The following SUSD4 variants were observed in gnomAD, a reference collection of about 807,000 sequenced individuals.
The protein encoded by SUSD4 is sushi domain-containing protein 4.
A neutral mutation model predicts 50.5 loss-of-function variants in SUSD4; 41 were observed. The ratio of observed to expected loss-of-function variants is 0.81; its 90% confidence interval spans 0.63 to 1.05. The LOEUF (loss-of-function observed/expected upper bound fraction) is 1.05, where lower values mean the gene tolerates loss of function less well. Ranked by LOEUF, SUSD4 falls within the 50% of genes least tolerant of loss-of-function variation. The pLI is 0.00. For missense variants in SUSD4, 580 were observed against 634.7 expected (o/e 0.91, Z 0.93); for synonymous variants, 257 against 257.3 (o/e 1.00, Z 0.01).
chr1:223,334,076 G>A (rs1293729389), intron 2 of SUSD4, among the ~76,000 whole-genome samples: 2 of 152,078 alleles, frequency 1.3e-5, no homozygotes, highest in East Asian at 3.9e-4. Flanking sequence ...AATGGTCAAG[G>A]AAGCCCCCAA....
At chr1:223,351,828 T>C (rs1668384732) in intron 2 of SUSD4, among the ~76,000 whole-genome samples, 1 of 152,226 alleles carries the variant, frequency 6.6e-6, no homozygotes, top group East Asian at 1.9e-4. Flanking sequence ...ACTGAAAGAA[T>C]AGTTTCAATG....
intron 3 of SUSD4, among the ~76,000 whole-genome samples, chr1:223,284,685 G>A (rs1664014874): frequency 6.6e-6 from 1 of 152,146 alleles, no homozygotes; most frequent in African/African-American, 2.4e-5. Context: ...CATAAAAAAG[G>A]ATAAAATTTT....
rs1230466915 is a variant in SUSD4 at position 223,264,471 on chromosome 1, C to G, written c.724+159G>C. On this transcript the variant is annotated intron_variant, in intron 5 of 8. Transcript: ENST00000366878. ...GTTTTACATCTAATTGTAAATATGG[C>G]TTCACGGCAGCTGATCTCTGCTCTG... 2.9e-5 allele frequency: 39 copies of G among 1,367,432 alleles called. No individual in the cohort carries two copies. The East Asian group carries it at 1.0e-3, about 36-fold the overall frequency. 84.7% of individuals were successfully genotyped at this position (1,367,432 alleles called of 1,614,324 possible). A position where few individuals can be genotyped will look rare whatever the true frequency, so the allele number is the denominator to read the frequency against.
rs74745529 is a variant in SUSD4 at position 223,298,026 on chromosome 1, A to G, written c.149-5375T>C. On this transcript the variant is annotated intron_variant, in intron 2 of 8. Transcript: ENST00000366878. ...AATGGGTAGATGAATAGATGGATAAATGGATGGATGGATGAATGGGTGGAT... is the reference window on the plus strand; with the variant it reads ...AATGGGTAGATGAATAGATGGATAAGTGGATGGATGGATGAATGGGTGGAT... 5.4e-3 allele frequency among the ~76,000 whole-genome samples: 816 copies of G among 152,170 alleles called. 43 individuals are homozygous for G. In the East Asian group the frequency reaches 0.12, roughly 22 times the overall value.
At chr1:223,228,787 T>C (rs1392704772) in intron 6 of SUSD4, among the ~76,000 whole-genome samples, 1 of 151,780 alleles carries the variant, frequency 6.6e-6, no homozygotes, top group East Asian at 2.0e-4. Flanking sequence ...CACAGGCCTG[T>C]GTCCTTACCA....
At chr1:223,351,971 G>A (rs536137476) in intron 2 of SUSD4, among the ~76,000 whole-genome samples, 4 of 151,398 alleles carry the variant, frequency 2.6e-5, no homozygotes, top group Admixed American at 6.6e-5. Flanking sequence ...ATAGGAAAAC[G>A]CCAAGTATTA....
At chr1:223,237,492 G>T (rs1343945188) in intron 5 of SUSD4, among the ~76,000 whole-genome samples, 3 of 151,882 alleles carry the variant, frequency 2.0e-5, no homozygotes, top group Non-Finnish European at 1.5e-5. Flanking sequence ...CTTTTTTGTA[G>T]ATATTCTTTA....
At chr1:223,351,669 G>A (rs116444846) in intron 2 of SUSD4, among the ~76,000 whole-genome samples, 41 of 152,270 alleles carry the variant, frequency 2.7e-4, no homozygotes, top group African/African-American at 9.6e-4. Context: ...TAGAGTCAAT[G>A]AATGGGGTCA....
intron 6 of SUSD4, among the ~76,000 whole-genome samples, chr1:223,228,382 C>T (rs1038718145): frequency 6.6e-6 from 1 of 152,208 alleles, no homozygotes; most frequent in Non-Finnish European, 1.5e-5. Context: ...CTCACAGGAT[C>T]ATGTGTGCGC....
chr1:223,227,814 T>C lies in SUSD4; in HGVS notation c.917-76A>G, dbSNP rs902821910. On this transcript the variant is annotated intron_variant, in intron 6 of 8. Transcript: ENST00000366878. This position sits in a 1 kb window ranked among gnomAD's most constrained non-coding sequence, Gnocchi z 4.5. Reference sequence around the variant, plus strand: ...TGCCGAGGTTCCCCGTGGGCTCATTTGCTGGATTCATCTGGCACAAGAGAT... The same window carrying C: ...TGCCGAGGTTCCCCGTGGGCTCATTCGCTGGATTCATCTGGCACAAGAGAT... 8 of 1,509,368 alleles carry C rather than the reference T, an allele frequency of 5.3e-6. No homozygotes were observed. Among genetic ancestry groups the C allele is most frequent in the Non-Finnish European group, 7.2e-6 (8 of 1,118,724 alleles). The allele number at this position is 1,509,368 out of a possible 1,614,324, so 93.5% of individuals were successfully genotyped here. A position where few individuals can be genotyped will look rare whatever the true frequency, so the allele number is the denominator to read the frequency against.
Position 223,223,632 on chromosome 1 carries a change from C to T in SUSD4, c.1062-1G>A. On this transcript the variant is annotated splice_acceptor_variant, in intron 7 of 8. Transcript: ENST00000366878. LOFTEE classifies it high-confidence loss of function. ...ACTGCTGGAACTCCGGGGAGGCCCC[C>T]TGTGTAAAGGAAAGAAGTGCCAACA... The T allele has an allele frequency of 6.3e-7, 1 of 1,599,068 alleles. No homozygotes were observed. Among genetic ancestry groups the T allele is most frequent in the Non-Finnish European group, 8.5e-7 (1 of 1,171,506 alleles).
intron 2 of SUSD4, among the ~76,000 whole-genome samples, chr1:223,302,285 T>G (rs1665246120): frequency 6.6e-6 from 1 of 152,196 alleles, no homozygotes; most frequent in Non-Finnish European, 1.5e-5. Flanking sequence ...AATTACCCAG[T>G]CTTAAGTATG....
chr1:223,355,055 G>C (rs1350242747), intron 2 of SUSD4, among the ~76,000 whole-genome samples: 3 of 151,578 alleles, frequency 2.0e-5, no homozygotes, highest in Non-Finnish European at 4.4e-5. Context: ...TGCGACTACA[G>C]ACACGTGCCA....
chr1:223,325,760 T>G (rs1307556261), intron 2 of SUSD4, among the ~76,000 whole-genome samples: 1 of 151,988 alleles, frequency 6.6e-6, no homozygotes, highest in East Asian at 1.9e-4. Flanking sequence ...AAGAACTCAA[T>G]TTTTTTTACA....
chr1:223,362,279 C>A (rs1179445283), intron 2 of SUSD4, among the ~76,000 whole-genome samples: 2 of 152,160 alleles, frequency 1.3e-5, no homozygotes, highest in African/African-American at 4.8e-5. Flanking sequence ...CCTTTGAATT[C>A]TCTGAAACAG....
chr1:223,344,864 C>G (rs1469353058), intron 2 of SUSD4, among the ~76,000 whole-genome samples: 1 of 152,218 alleles, frequency 6.6e-6, no homozygotes, highest in Admixed American at 6.5e-5. Flanking sequence ...ACATTTAGCA[C>G]TCCTTGTTAT....
intron 2 of SUSD4, among the ~76,000 whole-genome samples, chr1:223,319,530 A>C (rs944998847): frequency 1.2e-4 from 18 of 152,162 alleles, no homozygotes; most frequent in Admixed American, 2.0e-4. Flanking sequence ...GGCTGGGTTA[A>C]TAACCTGCTC....
chr1:223,299,782 CCTGA>C (rs910438401), intron 2 of SUSD4, among the ~76,000 whole-genome samples: 12 of 152,130 alleles, frequency 7.9e-5, no homozygotes, highest in East Asian at 1.9e-4. Context: ...CTTCTCTCTG[CCTGA>C]CTGTCTTCAA....
Position 223,363,594 on chromosome 1 carries a change from G to A in SUSD4, c.-35-134C>T, listed in dbSNP as rs913437526. ...CTGGTTCCTCCCCCGCGCGGCCCCC[G>A]CCCCCTTTCCCACGGCGAGGTCCCC... On this transcript the variant is annotated intron_variant, in intron 1 of 8. Transcript: ENST00000366878. The A allele has an allele frequency of 8.8e-5, 95 of 1,084,428 alleles. No individual in the cohort carries two copies. The African/African-American group carries it at 1.2e-3, about 14-fold the overall frequency. The allele number at this position is 1,084,428 out of a possible 1,614,324, so 67.2% of individuals were successfully genotyped here.
Sources: gnomAD v4.1 joint callset for allele counts (sites outside exome capture counted in the v4.1 genomes callset) on GRCh38, gnomAD v4.1.1 for gene constraint, Gnocchi (gnomAD v3.1) non-coding constraint, MANE v1.5 for transcripts, NCBI Gene and HGNC (gene_info 2026-07-23, HGNC 2026-07-21) for gene names.